Variants in NUP214 observed in about 807,000 individuals in gnomAD.
The protein encoded by NUP214 is nuclear pore complex protein Nup214.
Under a neutral mutation model 196.2 loss-of-function variants are expected in NUP214, and 79 were observed. That is an observed-to-expected ratio of 0.40 (90% CI 0.34 to 0.49). The LOEUF is 0.49. Ranked by LOEUF, NUP214 falls within the 20% of genes least tolerant of loss-of-function variation. NUP214 has a pLI of 0.58. For missense variants in NUP214, 2,468 were observed against 2,539.0 expected (o/e 0.97, Z 0.60); for synonymous variants, 1,020 against 990.5 (o/e 1.03, Z -0.56).
At chr9:131,147,625 T>C in intron 14 of NUP214, 41 bp downstream of exon 14, 1 of 1,384,678 alleles carries the variant, frequency 7.2e-7, no homozygotes, top group Non-Finnish European at 1.0e-6. Context: ...GTTTATTAAT[T>C]TACTGCCCCA....
intron 24 of NUP214, among the ~76,000 whole-genome samples, chr9:131,185,812 GTAT>G (rs1259964809): frequency 6.6e-6 from 1 of 152,080 alleles, no homozygotes; most frequent in Non-Finnish European, 1.5e-5. Flanking sequence ...CTAATTTTGT[GTAT>G]TTGGGGATTT....
chr9:131,196,529 T>G (rs1166323640), intron 28 of NUP214, among the ~76,000 whole-genome samples: 2 of 152,352 alleles, frequency 1.3e-5, no homozygotes, highest in Admixed American at 1.3e-4. Flanking sequence ...CCATATTTCC[T>G]GCGATCTTTG....
rs761843686 is a variant in NUP214, at chr9:131,163,071, G to C, written c.2621G>C (p.Arg874Thr). Residue 874 changes from arginine (R) to threonine (T), a missense_variant, in exon 19 of 36, where the codon AGG (arginine) becomes ACG (threonine). By Grantham distance (71) the Arg-to-Thr change is moderately conservative. Transcript: ENST00000359428. ...GAAATCATCAACCAACAGAGGAAGA[G>C]GCTGAATCACCTGGTGGATAGTCTT... is the stretch of plus-strand genomic sequence containing the variant. The part of the protein sequence containing the change: ...NREIINQQRK[R>T]LNHLVDSLQQ... The C allele has an allele frequency of 6.2e-7, 1 of 1,614,156 alleles. No individual in the cohort carries two copies. The highest frequency in any genetic ancestry group is 2.2e-5 in the East Asian group (1 of 44,886).
intron 32 of NUP214, among the ~76,000 whole-genome samples, chr9:131,223,796 G>A (rs1271998397): frequency 1.1e-4 from 14 of 123,866 alleles, no homozygotes; most frequent in Non-Finnish European, 2.0e-4. Context: ...GTGCAGTGGC[G>A]CAATCTCGGC....
At chr9:131,211,308 T>G (rs1003124442) in intron 30 of NUP214, among the ~76,000 whole-genome samples, 7 of 152,234 alleles carry the variant, frequency 4.6e-5, no homozygotes, top group African/African-American at 1.7e-4. Context: ...TAAATGTCTC[T>G]TTTTCTTTTT....
chr9:131,159,187 T>C, intron 17 of NUP214, 196 bp from the exon 18 acceptor site: 1 of 575,088 alleles, frequency 1.7e-6, no homozygotes, highest in South Asian at 2.2e-5. Flanking sequence ...GTGTTGGGAT[T>C]ATAGGCCTGA....
chr9:131,146,212 C>T lies in NUP214; in HGVS notation c.1853C>T (p.Pro618Leu). ...TCGCCATTCTCTTCTGCCTCCAAGCCAGCTGCTTCTGGACCACTCAGCCAC... is the reference window on the plus strand; with the variant it reads ...TCGCCATTCTCTTCTGCCTCCAAGCTAGCTGCTTCTGGACCACTCAGCCAC... ...PMSPFSSASK[P>L]AASGPLSHPT... The change falls in exon 13 of 36, where the codon CCA becomes CTA. Residue 618 changes from proline (P) to leucine (L), a missense_variant. Physicochemically the swap from Pro to Leu is moderately conservative, Grantham distance 98. Transcript: ENST00000359428. This position sits in a 1 kb window ranked among gnomAD's most constrained non-coding sequence, Gnocchi z 4.6. The T allele has an allele frequency of 2.5e-6, 4 of 1,614,156 alleles. No individual in the cohort carries two copies. In the Middle Eastern group the frequency reaches 4.9e-4, roughly 200 times the overall value.
At chr9:131,147,335 C>T (rs1000139212) in intron 13 of NUP214, among the ~76,000 whole-genome samples, 155 bp from the exon 14 acceptor site, 1 of 152,114 alleles carries the variant, frequency 6.6e-6, no homozygotes, top group African/African-American at 2.4e-5. Context: ...CAGAGGCTAG[C>T]ACAACTGGTG....
At chr9:131,215,168 T>C in intron 30 of NUP214, 44 bp from the exon 31 acceptor site, 1 of 1,424,230 alleles carries the variant, frequency 7.0e-7, no homozygotes, top group Non-Finnish European at 9.2e-7. Flanking sequence ...CATTTCACGA[T>C]GACCTCTCAT....
intron 22 of NUP214, among the ~76,000 whole-genome samples, chr9:131,174,712 C>A (rs1413917938): frequency 6.6e-6 from 1 of 151,954 alleles, no homozygotes; most frequent in African/African-American, 2.4e-5. Context: ...CCTTGGCCTC[C>A]CAGAGTGGTA....
chr9:131,208,833 G>A, intron 30 of NUP214, among the ~76,000 whole-genome samples: 1 of 151,006 alleles, frequency 6.6e-6, no homozygotes, highest in East Asian at 2.0e-4. Context: ...TGGCCAACAT[G>A]GTGACACACC....
At position 131,182,950 on chromosome 9, in the gene NUP214, A is replaced by G. The variant is rs149945351; in HGVS notation, c.3420-4339A>G. ...TCACAGACTGTCTTCAAGTGATACT[A>G]TATTACTAAAGAATAGTGTAAGAAT... On this transcript the variant is annotated intron_variant, in intron 24 of 35. Transcript: ENST00000359428. Among the ~76,000 whole-genome samples the G allele has an allele frequency of 4.2e-3, 647 of 152,310 alleles. 5 individuals carry two copies. Among genetic ancestry groups the G allele is most frequent in the African/African-American group, 0.015 (615 of 41,566 alleles).
intron 11 of NUP214, among the ~76,000 whole-genome samples, chr9:131,141,467 G>A (rs1174094637): frequency 1.4e-5 from 2 of 146,292 alleles, no homozygotes; most frequent in Non-Finnish European, 3.0e-5. Flanking sequence ...TGTATCACTT[G>A]TGAAAAGAAA....
Position 131,178,236 on chromosome 9 carries a change from T to C in NUP214, c.3320-75T>C, listed in dbSNP as rs556700471. ...CTGCTTGGGCTCATGTCTTGGTTTT[T>C]CATTTATATGTGGCTAGAACTTTTT... On this transcript the variant is annotated intron_variant, in intron 23 of 35. Transcript: ENST00000359428. 1.7e-3 allele frequency: 2,002 copies of C among 1,191,112 alleles called. 5 individuals are homozygous for C. Among genetic ancestry groups the C allele is most frequent in the Non-Finnish European group, 2.1e-3 (1,711 of 813,430 alleles). The allele number at this position is 1,191,112 out of a possible 1,614,324, so 73.8% of individuals were successfully genotyped here. A position where few individuals can be genotyped will look rare whatever the true frequency, so the allele number is the denominator to read the frequency against.
chr9:131,204,109 T>G (rs1186248295), intron 30 of NUP214, among the ~76,000 whole-genome samples: 1 of 152,078 alleles, frequency 6.6e-6, no homozygotes, highest in Admixed American at 6.6e-5. Flanking sequence ...TTTCTGTCCC[T>G]CAATGAGACA....
intron 25 of NUP214, among the ~76,000 whole-genome samples, chr9:131,187,583 C>T (rs1290196890): frequency 6.6e-6 from 1 of 152,154 alleles, no homozygotes; most frequent in Non-Finnish European, 1.5e-5. Flanking sequence ...GACGCGGTTT[C>T]ACCGCGTTGG....
Position 131,192,245 on chromosome 9 carries a change from A to G in NUP214, c.3612A>G (p.Pro1204=). 2 of 1,457,972 alleles carry G rather than the reference A, an allele frequency of 1.4e-6. No individual in the cohort carries two copies. 90.3% of individuals were successfully genotyped at this position (1,457,972 alleles called of 1,614,324 possible). Residue 1204 remains proline (P), a synonymous_variant, in exon 27 of 36, where the codon CCA becomes CCG. Transcript: ENST00000359428. ...TAGAAACAGCTGTGACTTCAACCCC[A>G]TCTGCTTCTGGGCAGTTCAGCAAGC... ...AKIETAVTST[P]SASGQFSKPF...
intron 11 of NUP214, among the ~76,000 whole-genome samples, chr9:131,142,364 G>C (rs1286933659): frequency 6.6e-6 from 1 of 152,224 alleles, no homozygotes; most frequent in Non-Finnish European, 1.5e-5. Flanking sequence ...TTCACAGTTG[G>C]TCCAGAGGTT....
chr9:131,207,027 T>C (rs1037823427), intron 30 of NUP214, among the ~76,000 whole-genome samples: 3 of 152,196 alleles, frequency 2.0e-5, no homozygotes, highest in Non-Finnish European at 4.4e-5. Flanking sequence ...ATGATAGGCA[T>C]TGTGGAAATG....
Sources: gnomAD v4.1 joint callset for allele counts (sites outside exome capture counted in the v4.1 genomes callset) on GRCh38, gnomAD v4.1.1 for gene constraint, Gnocchi (gnomAD v3.1) non-coding constraint, MANE v1.5 for transcripts, NCBI Gene and HGNC (gene_info 2026-07-23, HGNC 2026-07-21) for gene names.